CADM3: variants seen among roughly 807,000 people sequenced by gnomAD.
CADM3 encodes cell adhesion molecule 3, also known as TSLC1-like 1.
A neutral mutation model predicts 44.9 loss-of-function variants in CADM3; 11 were observed. The ratio of observed to expected loss-of-function variants is 0.25; its 90% confidence interval spans 0.15 to 0.41. CADM3 has a LOEUF of 0.41. Among genes scored for constraint, CADM3 ranks in the 10% least tolerant of loss-of-function variants. The pLI is 1.00. For missense variants in CADM3, 426 were observed against 512.0 expected (o/e 0.83, Z 1.62); for synonymous variants, 207 against 205.2 (o/e 1.01, Z -0.08).
At chr1:159,177,214 A>G (rs983598139) in intron 1 of CADM3, among the ~76,000 whole-genome samples, 1 of 152,048 alleles carries the variant, frequency 6.6e-6, no homozygotes, top group Non-Finnish European at 1.5e-5. Flanking sequence ...CATGTTGACA[A>G]ACTGAGTCTG....
intron 1 of CADM3, among the ~76,000 whole-genome samples, chr1:159,177,300 G>A (rs1465153294): frequency 6.6e-6 from 1 of 152,090 alleles, no homozygotes; most frequent in Non-Finnish European, 1.5e-5. Flanking sequence ...CACTTCAGGA[G>A]GCCTTATAGA....
At chr1:159,199,453 G>A (rs901949494) in intron 7 of CADM3, among the ~76,000 whole-genome samples, 3 of 151,828 alleles carry the variant, frequency 2.0e-5, no homozygotes, top group African/African-American at 7.3e-5. Context: ...AGGGAAGGAA[G>A]GAGAGGCATT....
In CADM3 at chr1:159,192,069, G is replaced by A. The variant is rs1320091514; in HGVS notation, c.222G>A (p.Glu74=). The change falls in exon 2 of 9, where the codon GAG becomes GAA. Residue 74 remains glutamate (E), a synonymous_variant. Coordinates refer to ENST00000368125, the MANE Select transcript of CADM3 (RefSeq NM_001127173.3). Reference sequence around the variant, plus strand: ...CTCAGCAGACTCTCTACTTTGGGGAGAAGAGAGGTAGTATCTCATGAGTTA... The same window carrying A: ...CTCAGCAGACTCTCTACTTTGGGGAAAAGAGAGGTAGTATCTCATGAGTTA... ...NPAQQTLYFG[E]KRALRDNRIQ... 2 of 1,613,920 alleles carry A rather than the reference G, an allele frequency of 1.2e-6. No homozygotes were observed. The highest frequency in any genetic ancestry group is 1.7e-5 in the Admixed American group (1 of 60,026).
At chr1:159,174,972 T>G (rs552540222) in intron 1 of CADM3, among the ~76,000 whole-genome samples, 1 of 152,354 alleles carries the variant, frequency 6.6e-6, no homozygotes, top group East Asian at 1.9e-4. Flanking sequence ...CAATTTAACC[T>G]TGTACTGCAC....
In CADM3 at chr1:159,199,869, G is replaced by A. The variant is rs1305560909; in HGVS notation, c.1071G>A (p.Arg357=). Residue 357 remains arginine, a synonymous_variant, in exon 8 of 9, where the codon CGG becomes CGA. Transcript: ENST00000368125. ...TCTTCCTTGGCCACTACTTGATCCGGCACAAAGGTCAGAGGCACAAAGAGA... is the reference window on the plus strand; with the variant it reads ...TCTTCCTTGGCCACTACTTGATCCGACACAAAGGTCAGAGGCACAAAGAGA... ...MLIFLGHYLI[R]HKGTYLTHEA... is the part of the protein sequence containing the mutation. 6.2e-7 allele frequency: 1 copy of A among 1,613,608 alleles called. No homozygotes were observed. The highest frequency in any genetic ancestry group is 1.3e-5 in the African/African-American group (1 of 74,950).
At chr1:159,185,550 G>A (rs1164199277) in intron 1 of CADM3, among the ~76,000 whole-genome samples, 2 of 152,128 alleles carry the variant, frequency 1.3e-5, no homozygotes, top group Admixed American at 6.5e-5. Context: ...TTCTTAACTC[G>A]GCTTTAACGT....
chr1:159,177,484 C>T (rs771330496), intron 1 of CADM3, among the ~76,000 whole-genome samples: 2 of 152,178 alleles, frequency 1.3e-5, no homozygotes, highest in Non-Finnish European at 2.9e-5. Flanking sequence ...GACAGTGACA[C>T]TCCAGGCTTT....
rs770218887 is a variant in CADM3 at position 159,193,458 on chromosome 1, T to C, written c.418T>C (p.Ser140Pro). The C allele has an allele frequency of 1.9e-6, 3 of 1,611,354 alleles. No homozygotes were observed. The highest frequency in any genetic ancestry group is 2.2e-5 in the East Asian group (1 of 44,800). Residue 140 changes from serine (S) to proline (P), a missense_variant, in exon 4 of 9, where the codon TCT becomes CCT. By Grantham distance (74) the Ser-to-Pro change is moderately conservative (BLOSUM62 -1). Transcript: ENST00000368125. ...PQKPIITGYKSSLREKDTATL... is the reference protein window; with the variant it reads ...PQKPIITGYKPSLREKDTATL... Reference sequence around the variant, plus strand: ...GAAGCCCATCATCACTGGTTATAAATCTTCATTACGGGAAAAAGACACAGC... The same window carrying C: ...GAAGCCCATCATCACTGGTTATAAACCTTCATTACGGGAAAAAGACACAGC...
intron 8 of CADM3, among the ~76,000 whole-genome samples, 192 bp downstream of exon 8, chr1:159,200,068 G>A (rs540547052): frequency 1.7e-4 from 26 of 152,162 alleles, no homozygotes; most frequent in Non-Finnish European, 3.1e-4. Context: ...CACCAACCCC[G>A]CAGTAAAGCC....
At chr1:159,173,007 C>G (rs1003040498) in intron 1 of CADM3, among the ~76,000 whole-genome samples, 1 of 152,068 alleles carries the variant, frequency 6.6e-6, no homozygotes. Context: ...CCTCCTCCCC[C>G]CACCGCCCTG....
At chr1:159,182,566 G>T (rs751390889) in intron 1 of CADM3, among the ~76,000 whole-genome samples, 19 of 152,048 alleles carry the variant, frequency 1.2e-4, no homozygotes, top group Non-Finnish European at 2.5e-4. Flanking sequence ...TTAATATCTT[G>T]TCAACTATAA....
At chr1:159,197,095 C>A in intron 7 of CADM3, 35 bp downstream of exon 7, 1 of 1,597,846 alleles carries the variant, frequency 6.3e-7, no homozygotes, top group South Asian at 1.1e-5. Flanking sequence ...TCCAGAATCT[C>A]CTTTCTCTGT....
rs751777437 is a variant in CADM3, at chr1:159,200,944, G to A, written c.*22G>A. On this transcript the variant is annotated 3_prime_UTR_variant, in exon 9 of 9. Transcript: ENST00000368125. ...CTAGAGGCGCCTGCCCACTTCCTGCGCCCCCCAGGGGCCCTGTGGGGACTG... is the reference window on the plus strand; with the variant it reads ...CTAGAGGCGCCTGCCCACTTCCTGCACCCCCCAGGGGCCCTGTGGGGACTG... 49 of 1,555,566 alleles carry A rather than the reference G, an allele frequency of 3.1e-5. No homozygotes were observed. The highest frequency in any genetic ancestry group is 6.8e-5 in the African/African-American group (5 of 73,028).
chr1:159,186,733 C>T (rs546802445), intron 1 of CADM3, among the ~76,000 whole-genome samples: 2 of 152,120 alleles, frequency 1.3e-5, no homozygotes, highest in South Asian at 4.2e-4. Flanking sequence ...AACTTTCAAG[C>T]GTATTAAGAG....
intron 1 of CADM3, among the ~76,000 whole-genome samples, chr1:159,177,981 C>A (rs970334601): frequency 3.0e-4 from 45 of 152,196 alleles, no homozygotes; most frequent in African/African-American, 8.7e-4. Flanking sequence ...ATACTAAAAT[C>A]TGCAGATGCA....
chr1:159,188,581 G>A (rs1649514796), intron 1 of CADM3, among the ~76,000 whole-genome samples: 3 of 152,110 alleles, frequency 2.0e-5, no homozygotes. Flanking sequence ...GCCCGGACAC[G>A]TAGCAGCTCT....
intron 1 of CADM3, among the ~76,000 whole-genome samples, chr1:159,183,258 CAT>C (rs1007798325): frequency 6.6e-6 from 1 of 152,182 alleles, no homozygotes; most frequent in African/African-American, 2.4e-5. Context: ...AGCTAATACA[CAT>C]GTTAGGACTT....
intron 1 of CADM3, among the ~76,000 whole-genome samples, chr1:159,173,188 C>T (rs1648886832): frequency 8.0e-6 from 1 of 124,252 alleles, no homozygotes; most frequent in Non-Finnish European, 1.6e-5. Context: ...GGCTCCTGGG[C>T]GATGGACCCA....
At chr1:159,186,138 C>T (rs146259855) in intron 1 of CADM3, among the ~76,000 whole-genome samples, 241 of 152,192 alleles carry the variant, frequency 1.6e-3, no homozygotes, top group African/African-American at 5.4e-3. Flanking sequence ...GGCAAAGGAA[C>T]GGATGCAGAA....
Sources: allele counts gnomAD v4.1 joint callset (sites outside exome capture counted in the v4.1 genomes callset), GRCh38; gene constraint gnomAD v4.1.1; transcripts MANE v1.5; gene names NCBI Gene and HGNC (gene_info 2026-07-23, HGNC 2026-07-21).